Variants in MAGI2 observed in about 807,000 individuals in gnomAD.
The protein encoded by MAGI2 is membrane associated guanylate kinase, WW and PDZ domain containing 2, also known as membrane-associated guanylate kinase, WW and PDZ domain-containing protein 2.
In MAGI2, 35 loss-of-function variants were observed where a neutral mutation model predicts 133.3. The ratio of observed to expected loss-of-function variants is 0.26; its 90% CI spans 0.20 to 0.35. MAGI2 has a LOEUF of 0.35. Among genes scored for constraint, MAGI2 ranks in the 10% least tolerant of loss-of-function variants. MAGI2 has a pLI of 1.00. For missense variants in MAGI2, 1,636 were observed against 1,863.4 expected (o/e 0.88, Z 2.25); for synonymous variants, 729 against 710.6 (o/e 1.03, Z -0.41).
chr7:78,659,481 G>A (rs1489665203), intron 2 of MAGI2, among the ~76,000 whole-genome samples: 1 of 142,786 alleles, frequency 7.0e-6, no homozygotes, highest in Non-Finnish European at 1.5e-5. Context: ...AGAAAACCCT[G>A]TAAGAATCTA....
At chr7:78,253,584 A>C (rs1792654755) in intron 10 of MAGI2, 1 of 152,220 alleles carries the variant, frequency 6.6e-6, no homozygotes, top group African/African-American at 2.4e-5. Flanking sequence ...TATATTAAAC[A>C]TACTATATAT....
At chr7:78,806,926 T>G (rs1344649646) in intron 2 of MAGI2, among the ~76,000 whole-genome samples, 2 of 145,694 alleles carry the variant, frequency 1.4e-5, no homozygotes, top group African/African-American at 5.2e-5. Context: ...ATAAAATAAA[T>G]TCGTAATGGT....
In MAGI2 at chr7:79,453,271, T is replaced by G. The variant is rs776304318; in HGVS notation, c.50A>C (p.Glu17Ala). The change falls in exon 1 of 22, where the codon GAG becomes GCG. Residue 17 changes from glutamate to alanine, a missense_variant. By Grantham distance (107) the Glu-to-Ala change is moderately radical (BLOSUM62 -1). Transcript: ENST00000354212. ...CTCCGGGTTCCTGCCAATGACACTC[T>G]CATGGACTTTGCTAGTCCAGTGGCT... Reference protein sequence around the residue: ...KKSHWTSKVHESVIGRNPEGQ... With the variant: ...KKSHWTSKVHASVIGRNPEGQ... The G allele has an allele frequency of 6.2e-7, 1 of 1,614,046 alleles. No individual in the cohort carries two copies. Among genetic ancestry groups the G allele is most frequent in the Non-Finnish European group, 8.5e-7 (1 of 1,180,026 alleles).
chr7:79,302,980 C>T (rs537692109), intron 1 of MAGI2, among the ~76,000 whole-genome samples: 108 of 152,302 alleles, frequency 7.1e-4, no homozygotes, highest in African/African-American at 2.5e-3. Context: ...ATGAGTCATA[C>T]TGTTTAAACA....
chr7:79,107,466 G>C (rs1295756319), intron 1 of MAGI2, among the ~76,000 whole-genome samples: 1 of 152,164 alleles, frequency 6.6e-6, no homozygotes, highest in East Asian at 1.9e-4. Context: ...CTTAATCTCA[G>C]TCTTGTGACA....
At chr7:79,315,350 T>A (rs1248367692) in intron 1 of MAGI2, among the ~76,000 whole-genome samples, 1 of 104,210 alleles carries the variant, frequency 9.6e-6, no homozygotes, top group Non-Finnish European at 2.3e-5. Flanking sequence ...TTTTTTTGTA[T>A]TTTTAGTAGA....
chr7:78,993,070 T>C (rs906282726), intron 2 of MAGI2, among the ~76,000 whole-genome samples: 1 of 151,990 alleles, frequency 6.6e-6, no homozygotes. Context: ...GAATAAAAAA[T>C]GAACAAAAAC....
Position 78,601,455 on chromosome 7 carries a change from C to T in MAGI2, c.538+25665G>A, listed in dbSNP as rs181248904. ...TAGCATTCTTTCTGAACTTCGCATT[C>T]TGAGAATCAGTATGTTGCATATTTT... is the stretch of plus-strand genomic sequence containing the variant. On this transcript the variant is annotated intron_variant, in intron 3 of 21. Coordinates refer to ENST00000354212, the MANE Select transcript of MAGI2 (RefSeq NM_012301.4). Among the ~76,000 whole-genome samples the T allele has an allele frequency of 2.0e-5, 3 of 152,234 alleles. No individual in the cohort carries two copies. In the East Asian group the frequency reaches 5.8e-4, roughly 29 times the overall value.
intron 10 of MAGI2, among the ~76,000 whole-genome samples, chr7:78,201,942 C>G (rs1829292599): frequency 6.6e-6 from 1 of 152,058 alleles, no homozygotes; most frequent in South Asian, 2.1e-4. Context: ...TAGATTAACT[C>G]CCTTTTAAAA....
intron 1 of MAGI2, among the ~76,000 whole-genome samples, chr7:79,350,649 T>C (rs1841626679): frequency 6.6e-6 from 1 of 152,096 alleles, no homozygotes; most frequent in South Asian, 2.1e-4. Context: ...TAAACAAATA[T>C]TTAAGAAGAT....
At chr7:78,452,606 T>C (rs985896) in intron 6 of MAGI2, among the ~76,000 whole-genome samples, 3 of 151,580 alleles carry the variant, frequency 2.0e-5, no homozygotes, top group Non-Finnish European at 4.4e-5. Flanking sequence ...AATTAATTTT[T>C]ATAATAAAGA....
At chr7:78,462,095 T>C (rs1790123035) in intron 6 of MAGI2, among the ~76,000 whole-genome samples, 1 of 152,078 alleles carries the variant, frequency 6.6e-6, no homozygotes, top group African/African-American at 2.4e-5. Context: ...GCACTGATGG[T>C]GTACTCTTAT....
chr7:78,520,668 T>C (rs1277780792), intron 4 of MAGI2, among the ~76,000 whole-genome samples: 2 of 152,162 alleles, frequency 1.3e-5, no homozygotes, highest in African/African-American at 4.8e-5. Flanking sequence ...TATTTAATTA[T>C]GAATAATTTT....
At chr7:78,576,192 C>CTTTTTTTTTTTT (rs540975103) in intron 3 of MAGI2, among the ~76,000 whole-genome samples, 1 of 146,508 alleles carries the variant, frequency 6.8e-6, no homozygotes, top group Non-Finnish European at 1.5e-5. Context: ...CTCTATAATG[C>CTTTTTTTTTTTT]TTTTTTTTTT....
intron 3 of MAGI2, chr7:78,615,476 G>A (rs574847885): frequency 1.3e-5 from 2 of 152,296 alleles, no homozygotes; most frequent in South Asian, 2.1e-4. Context: ...GGCAGAAATA[G>A]CAAGTATTTA....
chr7:79,376,759 G>A (rs1048939039), intron 1 of MAGI2, among the ~76,000 whole-genome samples: 1 of 151,722 alleles, frequency 6.6e-6, no homozygotes, highest in Non-Finnish European at 1.5e-5. Context: ...TAATATTTAT[G>A]TAGTTGACTG....
intron 6 of MAGI2, among the ~76,000 whole-genome samples, chr7:78,404,379 G>C (rs1345891736): frequency 6.6e-6 from 1 of 152,132 alleles, no homozygotes; most frequent in East Asian, 1.9e-4. Context: ...TAAGCCAAAA[G>C]AACAAAGCTG....
chr7:78,682,753 C>T (rs570125726), intron 2 of MAGI2, among the ~76,000 whole-genome samples: 11 of 151,976 alleles, frequency 7.2e-5, no homozygotes, highest in Non-Finnish European at 1.2e-4. Context: ...ACCAGAAATA[C>T]CATTTGACCC....
rs531237455 is a variant in MAGI2 at position 79,227,192 on chromosome 7, C to T, written c.302-219986G>A. 2.0e-5 allele frequency among the ~76,000 whole-genome samples: 3 copies of T among 152,262 alleles called. No homozygotes were observed. In the South Asian group the frequency reaches 6.2e-4, roughly 32 times the overall value. ...TAAATTACTGTCTATTATCACTAAG[C>T]TGTTGTGAACAAAACCTCAAAAAAG... On this transcript the variant is annotated intron_variant, in intron 1 of 21. Coordinates refer to ENST00000354212, the MANE Select transcript of MAGI2 (RefSeq NM_012301.4).
Sources: gnomAD v4.1 joint callset for allele counts (sites outside exome capture counted in the v4.1 genomes callset) on GRCh38, gnomAD v4.1.1 for gene constraint, MANE v1.5 for transcripts, NCBI Gene and HGNC (gene_info 2026-07-23, HGNC 2026-07-21) for gene names.